LCA5L: variants seen among roughly 807,000 people sequenced by gnomAD.
The protein encoded by LCA5L is lebercilin LCA5 like.
Under a neutral mutation model 45.4 loss-of-function variants are expected in LCA5L, and 35 were observed. The observed-to-expected ratio is 0.77, with a 90% confidence interval of 0.59 to 1.02. The LOEUF (loss-of-function observed/expected upper bound fraction) is 1.02, where lower values mean the gene tolerates loss of function less well. Among genes scored for constraint, LCA5L ranks in the 50% least tolerant of loss-of-function variants. The probability of loss-of-function intolerance (pLI) is 0.00; values close to 1 mark genes in which losing one functional copy is unlikely to be tolerated. For synonymous variants in LCA5L, 233 were observed against 264.7 expected (o/e 0.88, Z 1.16); for missense variants, 668 against 761.6 (o/e 0.88, Z 1.45).
Position 39,428,418 on chromosome 21 carries a change from A to C in LCA5L, c.76T>G (p.Ser26Ala), listed in dbSNP as rs1033737888. The C allele has an allele frequency of 1.1e-5, 18 of 1,612,006 alleles. No individual in the cohort carries two copies. The highest frequency in any genetic ancestry group is 1.7e-4 in the Middle Eastern group (1 of 6,056). ...CCTGGGCTTCTCTTGCATGCTGCAG[A>C]CCTCCTATTGTTTTCTAATGCCACG... is the stretch of plus-strand genomic sequence containing the variant. ...FGVALENNRR[S>A]AACKRSPGTG... Residue 26 changes from serine to alanine, a missense_variant, in exon 5 of 11, where the codon TCT becomes GCT. Ser to Ala is a moderately conservative substitution (Grantham distance 99, BLOSUM62 1). Coordinates refer to ENST00000288350, the MANE Select transcript of LCA5L (RefSeq NM_152505.4).
Position 39,423,351 on chromosome 21 carries a change from T to TAAAA in LCA5L, c.461_462insTTTT (p.Lys155PhefsTer4), listed in dbSNP as rs1464172797. The stretch of plus-strand genomic sequence containing the variant: ...GATGCATATCAGCTAATTCATTTTT[T>TAAAA]AGTCCTTTAATTTTATGAAGCCTTG... On this transcript the variant is annotated frameshift_variant, in exon 6 of 11. Coordinates refer to ENST00000288350, the MANE Select transcript of LCA5L (RefSeq NM_152505.4). LOFTEE classifies it high-confidence loss of function. 1.2e-6 allele frequency: 2 copies of TAAAA among 1,612,938 alleles called. No homozygotes were observed. The highest frequency in any genetic ancestry group is 1.7e-6 in the Non-Finnish European group (2 of 1,179,918).
At chr21:39,417,448 C>T (rs565486641) in intron 7 of LCA5L, among the ~76,000 whole-genome samples, 25 of 152,306 alleles carry the variant, frequency 1.6e-4, no homozygotes, top group African/African-American at 5.5e-4. Context: ...CCCTTCTACT[C>T]TATTCTCTCT....
intron 7 of LCA5L, among the ~76,000 whole-genome samples, chr21:39,418,057 C>G (rs58734525): frequency 2.0e-5 from 3 of 151,952 alleles, no homozygotes; most frequent in Non-Finnish European, 2.9e-5. Flanking sequence ...TGAGCCACCG[C>G]GCCCAGCGGG....
chr21:39,435,660 A>T (rs932422542), intron 2 of LCA5L, 87 bp from the exon 3 acceptor site: 1 of 152,212 alleles, frequency 6.6e-6, no homozygotes, highest in Non-Finnish European at 1.5e-5. Flanking sequence ...AGCAGTTTTA[A>T]TTAATATATA....
intron 3 of LCA5L, among the ~76,000 whole-genome samples, chr21:39,433,465 T>C (rs1356210670): frequency 6.7e-6 from 1 of 148,634 alleles, no homozygotes; most frequent in Non-Finnish European, 1.5e-5. Context: ...ATCTAAGAAA[T>C]TTTTGCATGA....
At chr21:39,441,160 A>T (rs977089068) in intron 2 of LCA5L, among the ~76,000 whole-genome samples, 2 of 151,882 alleles carry the variant, frequency 1.3e-5, no homozygotes, top group Non-Finnish European at 2.9e-5. Context: ...ACATGGTGAG[A>T]CCCTGTTCCT....
intron 4 of LCA5L, among the ~76,000 whole-genome samples, chr21:39,428,862 C>T (rs2075327081): frequency 6.6e-6 from 1 of 151,666 alleles, no homozygotes; most frequent in East Asian, 1.9e-4. Context: ...GATCCTCCCA[C>T]CTTGGTCTCA....
rs138732299 is a variant in LCA5L, at chr21:39,417,137, T to C, written c.975+3569A>G. Among the ~76,000 whole-genome samples the C allele has an allele frequency of 5.1e-3, 772 of 152,190 alleles. 9 individuals carry two copies. Among genetic ancestry groups the C allele is most frequent in the African/African-American group, 0.017 (722 of 41,534 alleles). On this transcript the variant is annotated intron_variant, in intron 7 of 10. Coordinates refer to ENST00000288350, the MANE Select transcript of LCA5L (RefSeq NM_152505.4). ...AATCTCCGCCTCCTGGGTTCAAGCA[T>C]TTCTCCTGCCCCAGCCTCCTGAGTA...
intron 3 of LCA5L, among the ~76,000 whole-genome samples, chr21:39,430,861 C>T (rs773605113): frequency 6.6e-6 from 1 of 152,140 alleles, no homozygotes; most frequent in African/African-American, 2.4e-5. Context: ...TCCTGAAAAA[C>T]GACGTTTGCA....
intron 2 of LCA5L, among the ~76,000 whole-genome samples, chr21:39,442,680 G>T (rs918891177): frequency 1.3e-5 from 2 of 152,070 alleles, no homozygotes; most frequent in Admixed American, 1.3e-4. Context: ...TAGGTACAAC[G>T]GAAGAGGTTC....
At chr21:39,414,742 C>CTCTGTGTGTGTGTGTGTGTG (rs1341489035) in intron 7 of LCA5L, among the ~76,000 whole-genome samples, 47 of 99,226 alleles carry the variant, frequency 4.7e-4, no homozygotes, top group African/African-American at 2.0e-3. Context: ...CTCTCTCTCT[C>CTCTGTGTGTGTGTGTGTGTG]TGTGTGTGTG....
chr21:39,417,627 A>C (rs1336848809), intron 7 of LCA5L, among the ~76,000 whole-genome samples: 1 of 152,104 alleles, frequency 6.6e-6, no homozygotes, highest in African/African-American at 2.4e-5. Context: ...GGTTTAATGG[A>C]CTCACAGTTC....
chr21:39,408,792 C>G (rs2039557370), intron 10 of LCA5L: 1 of 152,238 alleles, frequency 6.6e-6, no homozygotes, highest in African/African-American at 2.4e-5. Context: ...GAGGGTTTTT[C>G]TATCTCCCAG....
intron 2 of LCA5L, among the ~76,000 whole-genome samples, chr21:39,437,850 A>T (rs2076435125): frequency 6.6e-6 from 1 of 152,210 alleles, no homozygotes. Context: ...ACTACGAATA[A>T]TATGAAGGAA....
chr21:39,423,088 A>G lies in LCA5L; in HGVS notation c.725T>C (p.Leu242Ser). ...TTCAGAAAGTTTCTGCAGTGCCTGC[A>G]AGATATCTTTAGTCTTCAGTAACTG... Reference protein sequence around the residue: ...DSQLLKTKDILQALQKLSEDK... With the variant: ...DSQLLKTKDISQALQKLSEDK... The change falls in exon 6 of 11, where the codon TTG becomes TCG. Residue 242 changes from leucine (L) to serine (S), a missense_variant. Physicochemically the swap from Leu to Ser is moderately radical, Grantham distance 145. Coordinates refer to ENST00000288350, the MANE Select transcript of LCA5L (RefSeq NM_152505.4). The G allele has an allele frequency of 6.2e-7, 1 of 1,613,978 alleles. No individual in the cohort carries two copies. The highest frequency in any genetic ancestry group is 8.5e-7 in the Non-Finnish European group (1 of 1,179,822).
chr21:39,422,579 G>C, intron 6 of LCA5L: 1 of 261,846 alleles, frequency 3.8e-6, no homozygotes, highest in Non-Finnish European at 7.1e-6. Context: ...GGTTTTTAGG[G>C]AAGTAGCCTT....
chr21:39,409,931 C>T lies in LCA5L; in HGVS notation c.1282+48G>A. ...CTTTATATACACATATAGTAATTCA[C>T]AATTTTAAAGAAATCAGATAAGATA... On this transcript the variant is annotated intron_variant, in intron 10 of 10. Coordinates refer to ENST00000288350, the MANE Select transcript of LCA5L (RefSeq NM_152505.4). This position sits in a 1 kb window ranked among gnomAD's most constrained non-coding sequence, Gnocchi z 4.2. 8.9e-7 allele frequency: 1 copy of T among 1,118,364 alleles called. No homozygotes were observed. Among genetic ancestry groups the T allele is most frequent in the Non-Finnish European group, 1.3e-6 (1 of 753,510 alleles). 69.3% of individuals were successfully genotyped at this position (1,118,364 alleles called of 1,614,324 possible).
At chr21:39,436,194 A>G (rs982029440) in intron 2 of LCA5L, 3 of 152,216 alleles carry the variant, frequency 2.0e-5, no homozygotes, top group Admixed American at 6.5e-5. Flanking sequence ...TAACAAAAAG[A>G]CGACCCTCTT....
Position 39,423,176 on chromosome 21 carries a change from G to C in LCA5L, c.637C>G (p.Leu213Val). 6.2e-7 allele frequency: 1 copy of C among 1,613,150 alleles called. No individual in the cohort carries two copies. The highest frequency in any genetic ancestry group is 8.5e-7 in the Non-Finnish European group (1 of 1,179,662). The change falls in exon 6 of 11, where the codon CTA (leucine) becomes GTA (valine). Residue 213 changes from leucine to valine, a missense_variant. Transcript: ENST00000288350. The part of the protein sequence containing the change: ...HQNEVKNLRQ[L>V]LRKSQEKERT... The stretch of plus-strand genomic sequence containing the variant: ...TCCTTTTCCTGGGATTTCCTAAGTA[G>C]TTGCCTTAAATTTTTTACTTCATTC...
Sources: allele counts gnomAD v4.1 joint callset (sites outside exome capture counted in the v4.1 genomes callset), GRCh38; gene constraint gnomAD v4.1.1; non-coding constraint Gnocchi (gnomAD v3.1); transcripts MANE v1.5; gene names NCBI Gene and HGNC (gene_info 2026-07-23, HGNC 2026-07-21).